The following ABCA8 variants were observed in gnomAD, a reference collection of about 807,000 sequenced individuals.
ABCA8 encodes ATP binding cassette subfamily A member 8, also known as ABC-type organic anion transporter ABCA8.
In ABCA8, 177 loss-of-function variants were observed where a neutral mutation model predicts 192.3. The ratio of observed to expected loss-of-function variants is 0.92; its 90% CI spans 0.81 to 1.04. The LOEUF is 1.04. ABCA8 is among the 50% of genes least tolerant of loss of function. The pLI is 0.00. For missense variants in ABCA8, 1,915 were observed against 1,904.8 expected (o/e 1.01, Z -0.10); for synonymous variants, 642 against 690.2 (o/e 0.93, Z 1.09).
intron 7 of ABCA8, among the ~76,000 whole-genome samples, chr17:68,931,300 A>G (rs1272556284): frequency 6.6e-6 from 1 of 152,244 alleles, no homozygotes; most frequent in Non-Finnish European, 1.5e-5. Flanking sequence ...CCTGGCAAAC[A>G]TTACACCAAT....
At chr17:68,952,287 C>T (rs1055919555) in intron 1 of ABCA8, among the ~76,000 whole-genome samples, 15 of 151,986 alleles carry the variant, frequency 9.9e-5, no homozygotes, top group Admixed American at 7.9e-4. Flanking sequence ...GGTGCGATCT[C>T]GGCTCACTGC....
chr17:68,923,222 G>A (rs2067596275), intron 11 of ABCA8, among the ~76,000 whole-genome samples: 1 of 147,900 alleles, frequency 6.8e-6, no homozygotes, highest in African/African-American at 2.5e-5. Flanking sequence ...TTTTTTGAGA[G>A]AGAGTCTTGC....
At position 68,867,530 on chromosome 17, in the gene ABCA8, T is replaced by A. The variant is rs117467055; in HGVS notation, c.*555A>T. On this transcript the variant is annotated 3_prime_UTR_variant, in exon 40 of 40. Coordinates refer to ENST00000586539, the MANE Select transcript of ABCA8 (RefSeq NM_001288985.2). Reference sequence around the variant, plus strand: ...AGGGTTTTTGTTTTCCATTTATGCCTACATCATGGTGTTACCTGTGGATAT... The same window carrying A: ...AGGGTTTTTGTTTTCCATTTATGCCAACATCATGGTGTTACCTGTGGATAT... The A allele has an allele frequency of 6.6e-6, 1 of 152,304 alleles. No homozygotes were observed. The highest frequency in any genetic ancestry group is 1.5e-5 in the Non-Finnish European group (1 of 68,016). The allele number at this position is 152,304 out of a possible 1,614,324, so 9.4% of individuals were successfully genotyped here.
At chr17:68,954,980 A>G (rs1187949196) in intron 1 of ABCA8, among the ~76,000 whole-genome samples, 4 of 152,212 alleles carry the variant, frequency 2.6e-5, no homozygotes, top group African/African-American at 9.6e-5. Context: ...TGTTTGCATA[A>G]TTTTTTAAAA....
chr17:68,912,918 G>A (rs1271105031), intron 17 of ABCA8, among the ~76,000 whole-genome samples: 2 of 152,100 alleles, frequency 1.3e-5, no homozygotes, highest in Non-Finnish European at 2.9e-5. Context: ...AATATTTATA[G>A]AACATTTTAT....
chr17:68,895,798 TG>T (rs1284107638), intron 21 of ABCA8, among the ~76,000 whole-genome samples: 1 of 152,130 alleles, frequency 6.6e-6, no homozygotes, highest in African/African-American at 2.4e-5. Context: ...CAGGCAAGAG[TG>T]GCTAAGAGAT....
In ABCA8 at chr17:68,884,396, G is replaced by A. The variant is rs980361945; in HGVS notation, c.3550C>T (p.Leu1184Phe). 2 of 1,584,818 alleles carry A rather than the reference G, an allele frequency of 1.3e-6. No homozygotes were observed. Among genetic ancestry groups the A allele is most frequent in the African/African-American group, 2.7e-5 (2 of 72,944 alleles). ...TCAGAAAAGAGAGAAGAAAAGAGAA[G>A]CTGCAAAAGAAAAGACAATTGCTAA... ...MIGCLFLSSH[L>F]LFSSLFSEER... Residue 1184 changes from leucine (L) to phenylalanine (F), a missense_variant and splice_region_variant, in exon 28 of 40, where the codon CTT becomes TTT. Transcript: ENST00000586539.
intron 14 of ABCA8, 88 bp downstream of exon 14, chr17:68,919,213 G>A (rs560030322): frequency 3.2e-5 from 39 of 1,221,650 alleles, no homozygotes; most frequent in Admixed American, 2.8e-4. Context: ...AATGATTTGC[G>A]CACAAATAAT....
In ABCA8 at chr17:68,883,669, A is replaced by G. The variant is rs2035674222; in HGVS notation, c.3707+122T>C. 4 of 625,804 alleles carry G rather than the reference A, an allele frequency of 6.4e-6. No homozygotes were observed. In the Admixed American group the frequency reaches 9.8e-5, roughly 15 times the overall value. 38.8% of individuals were successfully genotyped at this position (625,804 alleles called of 1,614,324 possible). On this transcript the variant is annotated intron_variant, in intron 29 of 39. Transcript: ENST00000586539. ...GGATCTGTATTATTTGTATGGGCAC[A>G]TGGTTCCTACTCCAGCCTATCCTAG...
chr17:68,879,045 G>A (rs2066273392), intron 32 of ABCA8: 1 of 152,162 alleles, frequency 6.6e-6, no homozygotes, highest in Non-Finnish European at 1.5e-5. Flanking sequence ...AGGAGAAAAT[G>A]TTTTATCTCT....
chr17:68,885,563 T>G (rs757012810), intron 26 of ABCA8, among the ~76,000 whole-genome samples: 1 of 152,064 alleles, frequency 6.6e-6, no homozygotes, highest in Non-Finnish European at 1.5e-5. Context: ...TCTTTTTTTT[T>G]TTGAGATGGA....
chr17:68,929,246 G>A lies in ABCA8; in HGVS notation c.940-12C>T. The A allele has an allele frequency of 6.3e-7, 1 of 1,575,296 alleles. No homozygotes were observed. Among genetic ancestry groups the A allele is most frequent in the Non-Finnish European group, 8.6e-7 (1 of 1,162,196 alleles). On this transcript the variant is annotated splice_polypyrimidine_tract_variant and intron_variant, in intron 8 of 39. Coordinates refer to ENST00000586539, the MANE Select transcript of ABCA8 (RefSeq NM_001288985.2). ...AAAGCCAAAGCTACCTAAAATGAGA[G>A]AAGATCTAGTTGGTTTATGTTTCTC...
chr17:68,931,074 C>T (rs903707245), intron 7 of ABCA8, among the ~76,000 whole-genome samples: 5 of 152,210 alleles, frequency 3.3e-5, no homozygotes, highest in African/African-American at 1.2e-4. Context: ...GCATGTTCCT[C>T]AGTCTCAAAG....
chr17:68,895,580 A>G (rs553729377), intron 21 of ABCA8, among the ~76,000 whole-genome samples: 2 of 152,354 alleles, frequency 1.3e-5, no homozygotes, highest in East Asian at 3.9e-4. Flanking sequence ...GAACACTGAG[A>G]AATTGTGGCA....
chr17:68,880,955 C>G, intron 32 of ABCA8, 165 bp downstream of exon 32: 2 of 635,272 alleles, frequency 3.1e-6, no homozygotes, highest in Non-Finnish European at 5.6e-6. Context: ...CAGTGCTTAG[C>G]TTTTGTGTGC....
chr17:68,942,563 A>G (rs369144404), intron 2 of ABCA8, among the ~76,000 whole-genome samples: 1 of 152,166 alleles, frequency 6.6e-6, no homozygotes, highest in Non-Finnish European at 1.5e-5. Context: ...TAGCAGTAGT[A>G]TATCTGGGAG....
chr17:68,914,544 A>T (rs954072561), intron 17 of ABCA8, among the ~76,000 whole-genome samples: 1 of 152,168 alleles, frequency 6.6e-6, no homozygotes, highest in Non-Finnish European at 1.5e-5. Flanking sequence ...TCCCATTGAC[A>T]ATAGCTACAA....
At chr17:68,897,554 G>C (rs2066798177) in intron 21 of ABCA8, among the ~76,000 whole-genome samples, 1 of 152,144 alleles carries the variant, frequency 6.6e-6, no homozygotes, top group African/African-American at 2.4e-5. Flanking sequence ...CTTCAAGGCA[G>C]GTATTGTAAG....
At chr17:68,890,138 G>A in intron 24 of ABCA8, among the ~76,000 whole-genome samples, 1 of 152,118 alleles carries the variant, frequency 6.6e-6, no homozygotes, top group East Asian at 1.9e-4. Flanking sequence ...AAATTATTTT[G>A]CGAAGTGATT....
Sources: allele counts gnomAD v4.1 joint callset (sites outside exome capture counted in the v4.1 genomes callset), GRCh38; gene constraint gnomAD v4.1.1; transcripts MANE v1.5; gene names NCBI Gene and HGNC (gene_info 2026-07-23, HGNC 2026-07-21).